Variants in GPHN observed in about 807,000 individuals in gnomAD.
GPHN encodes gephyrin.
Under a neutral mutation model 95.5 loss-of-function variants are expected in GPHN, and 17 were observed. The observed-to-expected ratio is 0.18, with a 90% CI of 0.12 to 0.27. GPHN has a LOEUF of 0.27. GPHN is among the 10% of genes least tolerant of loss of function. The pLI is 1.00. For synonymous variants in GPHN, 320 were observed against 322.5 expected (o/e 0.99, Z 0.08); for missense variants, 660 against 978.1 (o/e 0.67, Z 4.34).
the GPHN span, chr14:67,653,323 A>C: frequency 1.3e-6 from 1 of 780,050 alleles, no homozygotes. Flanking sequence ...GTATACAGGG[A>C]CTATGCGTCA....
At chr14:67,465,308 G>GGGAAATCATTAAAGAGT in the GPHN span, among the ~76,000 whole-genome samples, 2 of 128,756 alleles carry the variant, frequency 1.6e-5, no homozygotes. Flanking sequence ...TAACATAGGG[G>GGGAAATCATTAAAGAGT]CCGAAGGCCC....
chr14:66,910,627 C>T (rs1351052205), intron 5 of GPHN, among the ~76,000 whole-genome samples: 2 of 151,966 alleles, frequency 1.3e-5, no homozygotes, highest in African/African-American at 4.8e-5. Context: ...ATTCAGTACA[C>T]ACACACATAT....
chr14:67,045,821 G>A (rs1439628682), intron 10 of GPHN, among the ~76,000 whole-genome samples: 1 of 151,052 alleles, frequency 6.6e-6, no homozygotes, highest in African/African-American at 2.4e-5. Flanking sequence ...CTGTGTGTGT[G>A]TCTCTCTCTC....
At chr14:66,822,589 T>C (rs978014163) in intron 3 of GPHN, among the ~76,000 whole-genome samples, 1 of 152,210 alleles carries the variant, frequency 6.6e-6, no homozygotes, top group African/African-American at 2.4e-5. Flanking sequence ...AAATGTTTAC[T>C]TAGTCAACAG....
chr14:67,574,142 C>A, the GPHN span: 3 of 1,101,382 alleles, frequency 2.7e-6, no homozygotes, highest in Non-Finnish European at 3.9e-6. This position sits in a 1 kb window ranked among gnomAD's most constrained non-coding sequence, Gnocchi z 4.2. Flanking sequence ...GGCAGAAGGC[C>A]AGCCCCTTGG....
intron 5 of GPHN, among the ~76,000 whole-genome samples, chr14:66,884,958 A>G (rs1277789779): frequency 6.6e-6 from 1 of 151,856 alleles, no homozygotes; most frequent in Non-Finnish European, 1.5e-5. Context: ...ACTGTAATAA[A>G]CACATGCACT....
intron 10 of GPHN, among the ~76,000 whole-genome samples, chr14:67,052,302 A>G (rs1183046597): frequency 6.6e-6 from 1 of 152,018 alleles, no homozygotes; most frequent in Non-Finnish European, 1.5e-5. Context: ...AGGGGTTGCA[A>G]TCCTAGTGTT....
chr14:67,491,982 T>C, the GPHN span, among the ~76,000 whole-genome samples: 2 of 152,192 alleles, frequency 1.3e-5, no homozygotes, highest in African/African-American at 2.4e-5. Flanking sequence ...CTGTGCCCCT[T>C]GCTCTGAGCT....
intron 18 of GPHN, among the ~76,000 whole-genome samples, chr14:67,145,289 A>G (rs2080836514): frequency 6.6e-6 from 1 of 152,214 alleles, no homozygotes; most frequent in South Asian, 2.1e-4. Context: ...TGGAGAGGTA[A>G]CAAACTCATA....
the GPHN span, among the ~76,000 whole-genome samples, chr14:67,721,528 C>T: frequency 6.6e-6 from 1 of 152,068 alleles, no homozygotes; most frequent in Admixed American, 6.6e-5. Flanking sequence ...TCTTGTATTT[C>T]TCCTCATCTT....
intron 17 of GPHN, among the ~76,000 whole-genome samples, chr14:67,130,412 C>T (rs1002173836): frequency 6.6e-6 from 1 of 152,124 alleles, no homozygotes; most frequent in Non-Finnish European, 1.5e-5. Flanking sequence ...GGATAATGGC[C>T]TCCAGCTGCA....
At chr14:67,267,618 A>C in the GPHN span, among the ~76,000 whole-genome samples, 3 of 152,320 alleles carry the variant, frequency 2.0e-5, no homozygotes, top group East Asian at 5.8e-4. Context: ...TATAATTTAT[A>C]TTTTATAAGA....
intron 9 of GPHN, among the ~76,000 whole-genome samples, chr14:67,000,280 G>A (rs1465156638): frequency 1.3e-5 from 2 of 151,638 alleles, no homozygotes; most frequent in Admixed American, 6.6e-5. Flanking sequence ...TTCAAGAAAA[G>A]AAGGGAGAGA....
At chr14:66,848,413 C>T (rs1009067575) in intron 4 of GPHN, among the ~76,000 whole-genome samples, 2 of 152,004 alleles carry the variant, frequency 1.3e-5, no homozygotes, top group African/African-American at 4.8e-5. Context: ...TAGACTCTGT[C>T]AGAGGGATAA....
rs916297145 is a variant in GPHN at position 66,570,834 on chromosome 14, G to A, written c.64+62243G>A. Reference sequence around the variant, plus strand: ...AACAGGTGTGAGGTGATATCTTATTGTGGTTATAATTTGTATTTCCCTGAT... The same window carrying A: ...AACAGGTGTGAGGTGATATCTTATTATGGTTATAATTTGTATTTCCCTGAT... On this transcript the variant is annotated intron_variant, in intron 1 of 22. Transcript: ENST00000478722. 2.6e-5 allele frequency among the ~76,000 whole-genome samples: 4 copies of A among 151,990 alleles called. No homozygotes were observed. The East Asian group carries it at 5.8e-4, about 22-fold the overall frequency.
the GPHN span, chr14:67,650,659 C>A: frequency 6.5e-7 from 1 of 1,533,988 alleles, no homozygotes; most frequent in Non-Finnish European, 9.0e-7. Flanking sequence ...TGGGATGACC[C>A]TCACTGAGAG....
At chr14:67,360,732 A>G in the GPHN span, 1 of 152,530 alleles carries the variant, frequency 6.6e-6, no homozygotes, top group Non-Finnish European at 1.5e-5. Flanking sequence ...CAATATGCCG[A>G]AAGTGAGAAT....
intron 2 of GPHN, among the ~76,000 whole-genome samples, chr14:66,716,711 T>C (rs2153425200): frequency 6.6e-6 from 1 of 152,322 alleles, no homozygotes; most frequent in East Asian, 1.9e-4. Context: ...TAGTGGTGGC[T>C]TGGTAGTGAC....
the GPHN span, among the ~76,000 whole-genome samples, chr14:67,563,409 G>C: frequency 6.7e-6 from 1 of 149,172 alleles, no homozygotes; most frequent in African/African-American, 2.5e-5. Flanking sequence ...TTCTTTCTTT[G>C]TTTTTCTTTT....
Sources: gnomAD v4.1 joint callset for allele counts (sites outside exome capture counted in the v4.1 genomes callset) on GRCh38, gnomAD v4.1.1 for gene constraint, Gnocchi (gnomAD v3.1) non-coding constraint, MANE v1.5 for transcripts, NCBI Gene and HGNC (gene_info 2026-07-23, HGNC 2026-07-21) for gene names.